Variants in JPH3 observed in about 807,000 individuals in gnomAD.
JPH3 encodes the protein junctophilin 3.
JPH3 carries 11 observed loss-of-function variants against 59.6 expected under a neutral mutation model. The observed-to-expected ratio is 0.18, with a 90% CI of 0.12 to 0.31. The LOEUF (loss-of-function observed/expected upper bound fraction) is 0.31, where lower values mean the gene tolerates loss of function less well. JPH3 is among the 10% of genes least tolerant of loss of function. JPH3 has a pLI of 1.00. For missense variants in JPH3, 1,202 were observed against 1,105.7 expected (o/e 1.09, Z -1.24); for synonymous variants, 673 against 483.6 (o/e 1.39, Z -5.14).
At chr16:87,660,193 G>A (rs577298623) in intron 2 of JPH3, among the ~76,000 whole-genome samples, 3 of 152,352 alleles carry the variant, frequency 2.0e-5, no homozygotes, top group Admixed American at 2.0e-4. Context: ...GTGCGTCTCA[G>A]TAATACGGAG....
chr16:87,645,352 C>T (rs563159286), intron 2 of JPH3, among the ~76,000 whole-genome samples: 2 of 152,226 alleles, frequency 1.3e-5, no homozygotes, highest in African/African-American at 4.8e-5. Flanking sequence ...AGAAGGTGGT[C>T]TGTTCCGTTA....
At chr16:87,687,079 A>G (rs1440611140) in intron 3 of JPH3, among the ~76,000 whole-genome samples, 4 of 152,154 alleles carry the variant, frequency 2.6e-5, no homozygotes, top group Non-Finnish European at 4.4e-5. Flanking sequence ...GACTGGCATG[A>G]GATTTGATCC....
At chr16:87,655,282 G>C (rs2032459798) in intron 2 of JPH3, among the ~76,000 whole-genome samples, 2 of 152,170 alleles carry the variant, frequency 1.3e-5, no homozygotes, top group South Asian at 4.1e-4. Flanking sequence ...TGGCCACCAG[G>C]GAAAATGGCT....
In JPH3 at chr16:87,696,925, G is replaced by T; in HGVS notation, c.*265G>T. ...AGGAGGCCAGCACGCAGCCCCTCCA[G>T]CTCCACGTGGAGACAGAAGGGATCC... is the stretch of plus-strand genomic sequence containing the variant. On this transcript the variant is annotated 3_prime_UTR_variant, in exon 5 of 5. Coordinates refer to ENST00000284262, the MANE Select transcript of JPH3 (RefSeq NM_020655.4). 1 of 454,584 alleles carries T rather than the reference G, an allele frequency of 2.2e-6. No individual in the cohort carries two copies. Among genetic ancestry groups the T allele is most frequent in the Non-Finnish European group, 4.1e-6 (1 of 246,050 alleles). The allele number at this position is 454,584 out of a possible 1,614,324, so 28.2% of individuals were successfully genotyped here. A position where few individuals can be genotyped will look rare whatever the true frequency, so the allele number is the denominator to read the frequency against.
chr16:87,641,556 C>A (rs1198571994), intron 1 of JPH3, among the ~76,000 whole-genome samples: 1 of 152,222 alleles, frequency 6.6e-6, no homozygotes, highest in Admixed American at 6.5e-5. Context: ...CTGCCACGTC[C>A]TTCTTCCTGG....
intron 2 of JPH3, among the ~76,000 whole-genome samples, chr16:87,649,866 T>C (rs2032275810): frequency 1.3e-5 from 2 of 152,176 alleles, no homozygotes; most frequent in African/African-American, 4.8e-5. Flanking sequence ...AAGCTATGCC[T>C]CCTGCAGCCC....
At chr16:87,677,481 G>A (rs1037681106) in intron 2 of JPH3, among the ~76,000 whole-genome samples, 1 of 152,188 alleles carries the variant, frequency 6.6e-6, no homozygotes, top group Non-Finnish European at 1.5e-5. Flanking sequence ...AGAACAGCTG[G>A]GCTGTGTGCT....
chr16:87,696,062 AG>A (rs767270778), intron 4 of JPH3: 5 of 455,966 alleles, frequency 1.1e-5, no homozygotes, highest in African/African-American at 2.0e-5. Context: ...AGGTGTGGTG[AG>A]GGGGGGTTTT....
intron 1 of JPH3, among the ~76,000 whole-genome samples, chr16:87,637,861 G>A (rs1026743076): frequency 1.3e-5 from 2 of 152,246 alleles, no homozygotes; most frequent in Middle Eastern, 3.4e-3. Flanking sequence ...CACCCCGTGC[G>A]GGGGCTGCTG....
At chr16:87,676,216 T>C (rs962915857) in intron 2 of JPH3, among the ~76,000 whole-genome samples, 2 of 152,244 alleles carry the variant, frequency 1.3e-5, no homozygotes, top group African/African-American at 2.4e-5. Context: ...GTCTTCTCAA[T>C]GAGACCAGAA....
intron 2 of JPH3, among the ~76,000 whole-genome samples, chr16:87,648,893 G>A (rs1044189114): frequency 6.6e-5 from 10 of 152,348 alleles, no homozygotes; most frequent in African/African-American, 2.4e-4. Flanking sequence ...CCTGCATGCT[G>A]ACCTGGTCCC....
In JPH3 at chr16:87,688,503, C is replaced by A. The variant is rs138693976; in HGVS notation, c.1286-1143C>A. Among the ~76,000 whole-genome samples, 10 of 135,786 alleles carry A rather than the reference C, an allele frequency of 7.4e-5. No individual in the cohort carries two copies. In the East Asian group the frequency reaches 1.9e-3, roughly 26 times the overall value. 89.1% of individuals were successfully genotyped at this position (135,786 alleles called of 152,430 possible). A position where few individuals can be genotyped will look rare whatever the true frequency, so the allele number is the denominator to read the frequency against. On this transcript the variant is annotated intron_variant, in intron 3 of 4. Coordinates refer to ENST00000284262, the MANE Select transcript of JPH3 (RefSeq NM_020655.4). ...GTACAGGCGTCTCCCAGACCTTCTC[C>A]TGCCAAAAGGTCAGACTGGGGTACA... is the stretch of plus-strand genomic sequence containing the variant.
chr16:87,642,655 G>A (rs2031992778), intron 1 of JPH3, among the ~76,000 whole-genome samples: 3 of 152,248 alleles, frequency 2.0e-5, no homozygotes, highest in Non-Finnish European at 4.4e-5. Flanking sequence ...CACGCCGTTA[G>A]TGCCCGGCTG....
rs967771369 is a variant in JPH3 at position 87,615,176 on chromosome 16, C to G, written c.382+11648C>G. 1.1e-4 allele frequency among the ~76,000 whole-genome samples: 17 copies of G among 152,368 alleles called. 1 individual carries two copies. Among genetic ancestry groups the G allele is most frequent in the South Asian group, 6.2e-4 (3 of 4,830 alleles). On this transcript the variant is annotated intron_variant, in intron 1 of 4. Transcript: ENST00000284262. ...TTCCCGGGGACCCATCCACAGATCC[C>G]CAGATAAGAACCTGTCCATCCTCCC...
At chr16:87,616,018 G>A (rs920346653) in intron 1 of JPH3, among the ~76,000 whole-genome samples, 1 of 152,170 alleles carries the variant, frequency 6.6e-6, no homozygotes, top group Non-Finnish European at 1.5e-5. Context: ...GGGGCACCAC[G>A]GCCAGAGCCT....
chr16:87,675,978 TGTTGGCAGGA>T (rs2033133287), intron 2 of JPH3, among the ~76,000 whole-genome samples: 1 of 152,242 alleles, frequency 6.6e-6, no homozygotes, highest in Admixed American at 6.5e-5. Context: ...GCAGATCAGC[TGTTGGCAGGA>T]GCTGGGAGGA....
chr16:87,690,405 G>A lies in JPH3; in HGVS notation c.2045G>A (p.Arg682Gln), dbSNP rs1027130208. 15 of 1,505,138 alleles carry A rather than the reference G, an allele frequency of 1.0e-5. No homozygotes were observed. The highest frequency in any genetic ancestry group is 1.8e-4 in the Middle Eastern group (1 of 5,700). The allele number at this position is 1,505,138 out of a possible 1,614,324, so 93.2% of individuals were successfully genotyped here. A position where few individuals can be genotyped will look rare whatever the true frequency, so the allele number is the denominator to read the frequency against. ...EPAVQKLASL[R>Q]LGGAEPRLLR... is the part of the protein sequence containing the mutation. ...GCCGTGCAGAAACTGGCGAGCCTGC[G>A]GCTGGGCGGGGCCGAGCCCCGGTTG... The change falls in exon 4 of 5, where the codon CGG becomes CAG. Residue 682 changes from arginine to glutamine, a missense_variant. Coordinates refer to ENST00000284262, the MANE Select transcript of JPH3 (RefSeq NM_020655.4).
chr16:87,679,769 T>C (rs1478843174), intron 2 of JPH3, among the ~76,000 whole-genome samples: 2 of 152,210 alleles, frequency 1.3e-5, no homozygotes, highest in African/African-American at 4.8e-5. Flanking sequence ...GGCCCGGCCG[T>C]GTCCTCTCTT....
intron 4 of JPH3, chr16:87,695,553 G>T (rs1034111010): frequency 4.4e-6 from 2 of 454,872 alleles, no homozygotes; most frequent in Non-Finnish European, 8.9e-6. Context: ...AGAGGCAGGG[G>T]CAAGTGTCCT....
Sources: gnomAD v4.1 joint callset for allele counts (sites outside exome capture counted in the v4.1 genomes callset) on GRCh38, gnomAD v4.1.1 for gene constraint, MANE v1.5 for transcripts, NCBI Gene and HGNC (gene_info 2026-07-23, HGNC 2026-07-21) for gene names.